PARVA: variants seen among roughly 807,000 people sequenced by gnomAD.
PARVA encodes the protein alpha-parvin.
PARVA carries 25 observed loss-of-function variants against 52.6 expected under a neutral mutation model. That is an observed-to-expected ratio of 0.48 (90% confidence interval 0.35 to 0.66). The LOEUF is 0.66. PARVA is among the 30% of genes least tolerant of loss of function. PARVA has a pLI of 0.01. For synonymous variants in PARVA, 185 were observed against 179.1 expected (o/e 1.03, Z -0.26); for missense variants, 373 against 450.9 (o/e 0.83, Z 1.56).
intron 1 of PARVA, among the ~76,000 whole-genome samples, chr11:12,407,118 G>GCTA (rs1450163660): frequency 6.6e-6 from 1 of 152,128 alleles, no homozygotes; most frequent in African/African-American, 2.4e-5. Context: ...GATGTACATT[G>GCTA]CTAACATTTC....
At chr11:12,435,909 C>T (rs1413086006) in intron 1 of PARVA, among the ~76,000 whole-genome samples, 1 of 152,082 alleles carries the variant, frequency 6.6e-6, no homozygotes, top group Admixed American at 6.5e-5. Flanking sequence ...CCTCTGCTTC[C>T]CGGGTTCAAG....
chr11:12,406,661 G>GT (rs571973101), intron 1 of PARVA, among the ~76,000 whole-genome samples: 2,225 of 77,742 alleles, frequency 0.029, 590 homozygotes, highest in Non-Finnish European at 0.041. Flanking sequence ...GGTTGTATCT[G>GT]TTTTTTTTTT....
chr11:12,518,215 G>A (rs561425428), intron 11 of PARVA, among the ~76,000 whole-genome samples: 106 of 152,342 alleles, frequency 7.0e-4, no homozygotes, highest in African/African-American at 2.5e-3. Flanking sequence ...AACACAGTAG[G>A]ATATGAAGGG....
intron 6 of PARVA, among the ~76,000 whole-genome samples, chr11:12,508,123 CCA>C (rs372548979): frequency 0.15 from 13,576 of 92,956 alleles, 602 homozygotes; most frequent in Non-Finnish European, 0.19. Flanking sequence ...AAAAAAAAAA[CCA>C]AAAAAAAAAA....
At chr11:12,428,978 T>A (rs1940276628) in intron 1 of PARVA, among the ~76,000 whole-genome samples, 1 of 151,634 alleles carries the variant, frequency 6.6e-6, no homozygotes, top group African/African-American at 2.4e-5. Context: ...AGGTTCAGAG[T>A]TTTTGTTTGT....
chr11:12,427,300 T>G (rs1589953477), intron 1 of PARVA, among the ~76,000 whole-genome samples: 1 of 152,254 alleles, frequency 6.6e-6, no homozygotes, highest in African/African-American at 2.4e-5. Flanking sequence ...TTTATTGTCG[T>G]AAAATCTGAT....
At chr11:12,387,787 C>T (rs1051958331) in intron 1 of PARVA, among the ~76,000 whole-genome samples, 2 of 151,828 alleles carry the variant, frequency 1.3e-5, no homozygotes, top group Admixed American at 1.3e-4. Context: ...CAGGGGGTGA[C>T]CAGATGGAAT....
chr11:12,394,388 A>G (rs963137232), intron 1 of PARVA, among the ~76,000 whole-genome samples: 2 of 152,206 alleles, frequency 1.3e-5, no homozygotes, highest in Admixed American at 1.3e-4. Context: ...GAAAATGTAA[A>G]CACTCATGGG....
intron 1 of PARVA, among the ~76,000 whole-genome samples, chr11:12,425,660 G>A (rs11022354): frequency 0.48 from 72,979 of 151,914 alleles, 18,837 homozygotes; most frequent in South Asian, 0.72. Context: ...ATATTATCTA[G>A]TTACCTCCTG....
chr11:12,512,005 G>A (rs576865496), intron 8 of PARVA, among the ~76,000 whole-genome samples: 4 of 152,296 alleles, frequency 2.6e-5, no homozygotes, highest in South Asian at 2.1e-4. Flanking sequence ...AGAAAAAAAC[G>A]TTTTGAGCAT....
intron 1 of PARVA, among the ~76,000 whole-genome samples, chr11:12,442,209 C>T (rs571462623): frequency 6.6e-6 from 1 of 152,342 alleles, no homozygotes; most frequent in South Asian, 2.1e-4. Context: ...ACAGGGAGGA[C>T]CTTTGGGCAG....
At chr11:12,470,639 AG>A (rs1940920690) in intron 1 of PARVA, among the ~76,000 whole-genome samples, 4 of 152,190 alleles carry the variant, frequency 2.6e-5, no homozygotes, top group Admixed American at 2.0e-4. Context: ...GAGAGTTAAC[AG>A]CCATATAAGT....
chr11:12,504,521 G>C (rs1012724834), intron 6 of PARVA, 92 bp downstream of exon 6: 2 of 750,232 alleles, frequency 2.7e-6, no homozygotes, highest in Non-Finnish European at 4.6e-6. Context: ...TAGAAGGATG[G>C]CTGCATGAAT....
chr11:12,472,473 A>T (rs1050289383), intron 1 of PARVA, among the ~76,000 whole-genome samples: 7 of 152,066 alleles, frequency 4.6e-5, no homozygotes, highest in Non-Finnish European at 5.9e-5. Flanking sequence ...AATGTCAAAG[A>T]CCTGCTGCAA....
chr11:12,491,748 A>G (rs1349417797), intron 4 of PARVA, among the ~76,000 whole-genome samples: 1 of 152,208 alleles, frequency 6.6e-6, no homozygotes, highest in African/African-American at 2.4e-5. Context: ...TGACAAACCT[A>G]TCACAGTGCT....
intron 5 of PARVA, 28 bp downstream of exon 5, chr11:12,496,626 A>G (rs762164398): frequency 1.1e-5 from 18 of 1,603,514 alleles, no homozygotes; most frequent in Non-Finnish European, 1.5e-5. Context: ...AAGGGGCACC[A>G]TTAAACAATG....
At chr11:12,508,444 C>T (rs1941463119) in intron 6 of PARVA, 140 bp from the exon 7 acceptor site, 1 of 683,546 alleles carries the variant, frequency 1.5e-6, no homozygotes, top group Non-Finnish European at 2.6e-6. Context: ...CCTTTCACTT[C>T]CAGCATTATC....
intron 1 of PARVA, among the ~76,000 whole-genome samples, chr11:12,443,899 C>G (rs188233043): frequency 3.8e-4 from 58 of 152,308 alleles, no homozygotes; most frequent in Non-Finnish European, 6.2e-4. Flanking sequence ...CCAGTCCTGT[C>G]ACCACTTGCT....
At chr11:12,503,281 T>G (rs2135066568) in intron 5 of PARVA, among the ~76,000 whole-genome samples, 1 of 152,318 alleles carries the variant, frequency 6.6e-6, no homozygotes, top group African/African-American at 2.4e-5. Context: ...AGACCTAGTG[T>G]TCCTGACTCA....
Sources: gnomAD v4.1 joint callset for allele counts (sites outside exome capture counted in the v4.1 genomes callset) on GRCh38, gnomAD v4.1.1 for gene constraint, MANE v1.5 for transcripts, NCBI Gene and HGNC (gene_info 2026-07-23, HGNC 2026-07-21) for gene names.